Variants in ADARB2 observed in about 807,000 individuals in gnomAD.
The protein encoded by ADARB2 is inactive double-stranded RNA-specific editase B2.
A neutral mutation model predicts 62.2 loss-of-function variants in ADARB2; 25 were observed. That is an observed-to-expected ratio of 0.40 (90% CI 0.29 to 0.56). The LOEUF (loss-of-function observed/expected upper bound fraction) is 0.56, where lower values mean the gene tolerates loss of function less well. ADARB2 is among the 20% of genes least tolerant of loss of function. The probability of loss-of-function intolerance (pLI) is 0.43; values close to 1 mark genes in which losing one functional copy is unlikely to be tolerated. For synonymous variants in ADARB2, 572 were observed against 500.8 expected (o/e 1.14, Z -1.90); for missense variants, 1,071 against 1,077.4 (o/e 0.99, Z 0.08).
At chr10:1,301,869 C>T (rs532983718) in intron 3 of ADARB2, among the ~76,000 whole-genome samples, 2 of 152,310 alleles carry the variant, frequency 1.3e-5, no homozygotes, top group Non-Finnish European at 1.5e-5. Flanking sequence ...CACACATGCA[C>T]CTGCTCCTCT....
At chr10:1,543,163 C>T (rs1039476079) in intron 1 of ADARB2, among the ~76,000 whole-genome samples, 1 of 152,226 alleles carries the variant, frequency 6.6e-6, no homozygotes, top group Admixed American at 6.5e-5. Flanking sequence ...TCCCACGGTG[C>T]AGGATGGCGG....
chr10:1,283,889 G>A (rs527796740), intron 3 of ADARB2, among the ~76,000 whole-genome samples: 151 of 152,352 alleles, frequency 9.9e-4, no homozygotes, highest in Middle Eastern at 3.4e-3. Flanking sequence ...AATTGTCAGG[G>A]ATTAAATGAT....
intron 1 of ADARB2, among the ~76,000 whole-genome samples, chr10:1,734,167 A>G (rs1478777504): frequency 1.3e-5 from 2 of 152,218 alleles, no homozygotes; most frequent in Admixed American, 6.5e-5. Context: ...ACTAGGTCCC[A>G]GTAAAATAAC....
intron 1 of ADARB2, among the ~76,000 whole-genome samples, chr10:1,406,857 C>T: frequency 6.6e-6 from 1 of 152,164 alleles, no homozygotes; most frequent in South Asian, 2.1e-4. Context: ...TTTCCTACTT[C>T]ACAGATGATG....
chr10:1,337,858 AGAG>A (rs1392686623), intron 3 of ADARB2, among the ~76,000 whole-genome samples: 7 of 152,224 alleles, frequency 4.6e-5, no homozygotes, highest in African/African-American at 1.7e-4. Flanking sequence ...TAATTCACAA[AGAG>A]GAGAAGTCAT....
At chr10:1,693,968 T>A (rs1834705139) in intron 1 of ADARB2, among the ~76,000 whole-genome samples, 1 of 152,256 alleles carries the variant, frequency 6.6e-6, no homozygotes, top group Non-Finnish European at 1.5e-5. Flanking sequence ...TTCCTTGGAA[T>A]GGCAGGGGAC....
chr10:1,446,052 G>A (rs991455941), intron 1 of ADARB2, among the ~76,000 whole-genome samples: 1 of 68,496 alleles, frequency 1.5e-5, no homozygotes, highest in African/African-American at 4.0e-5. Context: ...ACTGTAGGAC[G>A]AGGAATGGAA....
At chr10:1,454,669 C>T (rs546354451) in intron 1 of ADARB2, among the ~76,000 whole-genome samples, 27 of 151,458 alleles carry the variant, frequency 1.8e-4, no homozygotes, top group South Asian at 6.3e-4. Context: ...TTGCTGGGGC[C>T]GGGGAGGGTA....
intron 1 of ADARB2, among the ~76,000 whole-genome samples, chr10:1,504,256 G>A (rs1831805871): frequency 6.6e-6 from 1 of 152,152 alleles, no homozygotes; most frequent in Non-Finnish European, 1.5e-5. Context: ...CTGTGAGCGG[G>A]CATGCTCTGT....
chr10:1,489,533 A>G (rs1382599616), intron 1 of ADARB2, among the ~76,000 whole-genome samples: 1 of 152,250 alleles, frequency 6.6e-6, no homozygotes, highest in East Asian at 1.9e-4. Flanking sequence ...CGGATCCGCA[A>G]GTCTCGAGCT....
intron 3 of ADARB2, among the ~76,000 whole-genome samples, chr10:1,346,311 T>C (rs546287062): frequency 6.6e-6 from 1 of 152,186 alleles, no homozygotes; most frequent in Non-Finnish European, 1.5e-5. Context: ...GGGCTTGAGA[T>C]TGGGAATAAC....
chr10:1,716,197 C>T (rs1835015040), intron 1 of ADARB2, among the ~76,000 whole-genome samples: 1 of 152,226 alleles, frequency 6.6e-6, no homozygotes. Flanking sequence ...CATCACGACT[C>T]ATGCACACCT....
chr10:1,498,852 A>C (rs1347746278), intron 1 of ADARB2, among the ~76,000 whole-genome samples: 1 of 150,102 alleles, frequency 6.7e-6, no homozygotes, highest in Non-Finnish European at 1.5e-5. Flanking sequence ...TTCACCTCTT[A>C]CTCACTCATC....
intron 1 of ADARB2, among the ~76,000 whole-genome samples, chr10:1,519,900 T>C (rs1564315601): frequency 6.6e-6 from 1 of 152,200 alleles, no homozygotes; most frequent in African/African-American, 2.4e-5. Flanking sequence ...AGTATTCAAA[T>C]AATTGCCATG....
chr10:1,377,346 G>C (rs1384275003), intron 2 of ADARB2, among the ~76,000 whole-genome samples: 1 of 136,978 alleles, frequency 7.3e-6, no homozygotes, highest in Non-Finnish European at 1.5e-5. Context: ...TGCTCCTGGG[G>C]TGTGTGTGTT....
At chr10:1,553,964 G>T (rs1247096368) in intron 1 of ADARB2, among the ~76,000 whole-genome samples, 3 of 152,198 alleles carry the variant, frequency 2.0e-5, no homozygotes, top group African/African-American at 7.2e-5. Context: ...GTAAACCGGA[G>T]TCCAGAAAGT....
intron 1 of ADARB2, among the ~76,000 whole-genome samples, chr10:1,603,237 G>C (rs746211385): frequency 6.6e-6 from 1 of 152,166 alleles, no homozygotes. Flanking sequence ...TGGATTCTTC[G>C]GACAATTGGT....
chr10:1,243,700 C>G (rs1230101960), intron 4 of ADARB2, among the ~76,000 whole-genome samples: 1 of 152,248 alleles, frequency 6.6e-6, no homozygotes, highest in African/African-American at 2.4e-5. Flanking sequence ...AGAGGCCCAG[C>G]AGCATCCTTG....
At chr10:1,557,756 C>A (rs753542765) in intron 1 of ADARB2, among the ~76,000 whole-genome samples, 12 of 151,986 alleles carry the variant, frequency 7.9e-5, no homozygotes, top group African/African-American at 2.7e-4. Flanking sequence ...AATACACACA[C>A]AAAAAATTAG....
Sources: gnomAD v4.1 joint callset for allele counts (sites outside exome capture counted in the v4.1 genomes callset) on GRCh38, gnomAD v4.1.1 for gene constraint, MANE v1.5 for transcripts, NCBI Gene and HGNC (gene_info 2026-07-23, HGNC 2026-07-21) for gene names.